The following GDAP2 variants were observed in gnomAD, a reference collection of about 807,000 sequenced individuals.
The protein encoded by GDAP2 is ganglioside-induced differentiation-associated protein 2.
Under a neutral mutation model 67.0 loss-of-function variants are expected in GDAP2, and 51 were observed. The observed-to-expected ratio is 0.76, with a 90% CI of 0.61 to 0.96. GDAP2 has a LOEUF of 0.96. GDAP2 is among the 40% of genes least tolerant of loss of function. The pLI, the probability that GDAP2 is intolerant of heterozygous loss-of-function variation, is 0.00. For synonymous variants in GDAP2, 203 were observed against 207.3 expected (o/e 0.98, Z 0.18); for missense variants, 547 against 588.3 (o/e 0.93, Z 0.73).
chr1:117,902,314 T>C (rs1649507139), intron 6 of GDAP2, among the ~76,000 whole-genome samples: 1 of 152,226 alleles, frequency 6.6e-6, no homozygotes, highest in Non-Finnish European at 1.5e-5. Flanking sequence ...TAAGAGTGCC[T>C]AATTTATCCA....
intron 1 of GDAP2, among the ~76,000 whole-genome samples, chr1:117,922,695 T>C (rs761978797): frequency 1.3e-4 from 20 of 152,150 alleles, no homozygotes; most frequent in Non-Finnish European, 2.8e-4. Context: ...ACGAATAGGG[T>C]GTGGGTCACA....
chr1:117,914,314 T>C (rs569337954), intron 3 of GDAP2, among the ~76,000 whole-genome samples: 8 of 152,160 alleles, frequency 5.3e-5, no homozygotes, highest in Non-Finnish European at 1.0e-4. Context: ...ATGGCACTTA[T>C]GTAACTGCTA....
At chr1:117,914,753 A>C (rs938262322) in intron 3 of GDAP2, among the ~76,000 whole-genome samples, 11 of 152,214 alleles carry the variant, frequency 7.2e-5, no homozygotes, top group African/African-American at 2.7e-4. Context: ...CAAAGTAGAA[A>C]ACAAAGGAGT....
At chr1:117,871,522 T>C (rs1396030544) in intron 13 of GDAP2, among the ~76,000 whole-genome samples, 2 of 152,120 alleles carry the variant, frequency 1.3e-5, no homozygotes, top group African/African-American at 4.8e-5. Context: ...TAGAAGAAAA[T>C]AGCATTTCTT....
rs1008890079 is a variant in GDAP2 at position 117,864,848 on chromosome 1, T to C, written c.*5721A>G. On this transcript the variant is annotated 3_prime_UTR_variant, in exon 14 of 14. Coordinates refer to ENST00000369443, the MANE Select transcript of GDAP2 (RefSeq NM_017686.4). ...GAGGTAACTTCTATTATCACCAACC[T>C]CACAGGATTTGTAAGAGCATTAGAA... 1 of 152,132 alleles carries C rather than the reference T, an allele frequency of 6.6e-6. No individual in the cohort carries two copies. Among genetic ancestry groups the C allele is most frequent in the Non-Finnish European group, 1.5e-5 (1 of 68,034 alleles). 9.4% of individuals were successfully genotyped at this position (152,132 alleles called of 1,614,324 possible). A position where few individuals can be genotyped will look rare whatever the true frequency, so the allele number is the denominator to read the frequency against.
At chr1:117,890,458 A>AT (rs1278626258) in intron 8 of GDAP2, among the ~76,000 whole-genome samples, 1 of 151,924 alleles carries the variant, frequency 6.6e-6, no homozygotes, top group African/African-American at 2.4e-5. Context: ...TCTGAAAAAA[A>AT]TTTTTTTTAA....
At chr1:117,894,220 A>G (rs1477484500) in intron 8 of GDAP2, among the ~76,000 whole-genome samples, 3 of 151,914 alleles carry the variant, frequency 2.0e-5, no homozygotes, top group Non-Finnish European at 2.9e-5. Context: ...GCTCACTGCA[A>G]TCTCCACCAC....
chr1:117,873,107 A>G (rs1191922280), intron 13 of GDAP2, among the ~76,000 whole-genome samples: 1 of 152,202 alleles, frequency 6.6e-6, no homozygotes, highest in African/African-American at 2.4e-5. Flanking sequence ...CATGAAATAG[A>G]ATTTCCATTA....
chr1:117,927,148 A>G (rs1650477544), intron 1 of GDAP2, among the ~76,000 whole-genome samples: 1 of 152,204 alleles, frequency 6.6e-6, no homozygotes. Flanking sequence ...CCTAAAGACA[A>G]AGATAACCCA....
At chr1:117,925,802 T>C (rs891672095) in intron 1 of GDAP2, among the ~76,000 whole-genome samples, 7 of 152,210 alleles carry the variant, frequency 4.6e-5, no homozygotes, top group Non-Finnish European at 7.3e-5. Flanking sequence ...TTCAATGAGA[T>C]AACTGGTGTC....
intron 6 of GDAP2, among the ~76,000 whole-genome samples, chr1:117,904,691 T>C (rs1162307036): frequency 6.6e-6 from 1 of 152,208 alleles, no homozygotes; most frequent in African/African-American, 2.4e-5. Flanking sequence ...TGGCACACTG[T>C]AGGGTGATCT....
chr1:117,877,222 T>C, intron 13 of GDAP2: 2 of 869,626 alleles, frequency 2.3e-6, no homozygotes, highest in Non-Finnish European at 2.8e-6. Context: ...TAGAGAGAAA[T>C]TGTGTTGCAG....
intron 2 of GDAP2, among the ~76,000 whole-genome samples, chr1:117,919,370 C>CA (rs533363950): frequency 0.046 from 4,336 of 94,242 alleles, 115 homozygotes; most frequent in South Asian, 0.12. Context: ...CAAGACTCCT[C>CA]AAAAAAAAAA....
intron 3 of GDAP2, chr1:117,913,346 T>C (rs1018409930): frequency 6.6e-6 from 1 of 151,500 alleles, no homozygotes; most frequent in Admixed American, 6.6e-5. Context: ...AAAGTTTGTA[T>C]AAAAACAGTC....
chr1:117,903,602 C>T (rs1649555005), intron 6 of GDAP2, among the ~76,000 whole-genome samples: 1 of 151,748 alleles, frequency 6.6e-6, no homozygotes, highest in Non-Finnish European at 1.5e-5. Context: ...GTTGAATTAA[C>T]CTTGCATTCC....
chr1:117,881,784 C>T (rs1309825551), intron 12 of GDAP2, 39 bp downstream of exon 12: 1 of 1,074,896 alleles, frequency 9.3e-7, no homozygotes, highest in Non-Finnish European at 1.5e-6. Flanking sequence ...ATGCAGTGCA[C>T]ATAAATTCTA....
rs1339879267 is a variant in GDAP2 at position 117,920,334 on chromosome 1, G to C, written c.24C>G (p.Ser8=). 6.2e-7 allele frequency: 1 copy of C among 1,604,334 alleles called. No individual in the cohort carries two copies. The highest frequency in any genetic ancestry group is 2.2e-5 in the East Asian group (1 of 44,628). MDPLGAP[S]QFVDVDTLPS... is the part of the protein sequence containing the mutation. The stretch of plus-strand genomic sequence containing the variant: ...GTAGTGTATCCACATCCACAAACTG[G>C]GAAGGTGCACCTAAGGGATCCATGG... The change falls in exon 2 of 14, where the codon TCC becomes TCG. Residue 8 remains serine, a synonymous_variant. Transcript: ENST00000369443.
intron 1 of GDAP2, among the ~76,000 whole-genome samples, 175 bp from the exon 2 acceptor site, chr1:117,920,599 T>C (rs1650217644): frequency 6.6e-6 from 1 of 152,106 alleles, no homozygotes; most frequent in Non-Finnish European, 1.5e-5. Flanking sequence ...ACAGAATTTC[T>C]AAAACAGGAT....
intron 3 of GDAP2, among the ~76,000 whole-genome samples, chr1:117,917,049 A>AG (rs1650073035): frequency 6.6e-6 from 1 of 151,916 alleles, no homozygotes; most frequent in Non-Finnish European, 1.5e-5. Context: ...AAAAAAAAAA[A>AG]GAAAGAAAAA....
Sources: allele counts gnomAD v4.1 joint callset (sites outside exome capture counted in the v4.1 genomes callset), GRCh38; gene constraint gnomAD v4.1.1; transcripts MANE v1.5; gene names NCBI Gene and HGNC (gene_info 2026-07-23, HGNC 2026-07-21).